The following PPP1R12A variants were observed in gnomAD, a reference collection of about 807,000 sequenced individuals.
PPP1R12A encodes the protein myosin binding subunit.
Under a neutral mutation model 139.6 loss-of-function variants are expected in PPP1R12A, and 19 were observed. The ratio of observed to expected loss-of-function variants is 0.14; its 90% confidence interval spans 0.09 to 0.20. PPP1R12A has a LOEUF of 0.20. PPP1R12A is among the 10% of genes least tolerant of loss of function. PPP1R12A has a pLI of 1.00. For synonymous variants in PPP1R12A, 427 were observed against 420.6 expected (o/e 1.02, Z -0.19); for missense variants, 925 against 1,211.5 (o/e 0.76, Z 3.51).
At chr12:79,836,345 A>T (rs545382501) in intron 3 of PPP1R12A, among the ~76,000 whole-genome samples, 4 of 152,222 alleles carry the variant, frequency 2.6e-5, no homozygotes, top group African/African-American at 4.8e-5. Flanking sequence ...GTCTTTTAAA[A>T]CAGGTAGCTT....
rs187694241 is a variant in PPP1R12A, at chr12:79,813,852, G to A, written c.1239+3542C>T. On this transcript the variant is annotated intron_variant, in intron 9 of 24. Transcript: ENST00000450142. ...GAAAATAAGCATGTAAAACTGTTTC[G>A]TGTGCTTCCATTTTTGTGATCTGTC... Among the ~76,000 whole-genome samples the A allele has an allele frequency of 3.1e-4, 47 of 152,198 alleles. No individual in the cohort carries two copies. The Middle Eastern group carries it at 0.01, about 33-fold the overall frequency.
intron 1 of PPP1R12A, among the ~76,000 whole-genome samples, chr12:79,889,840 T>C (rs1439554776): frequency 1.3e-5 from 2 of 152,186 alleles, no homozygotes; most frequent in East Asian, 3.9e-4. Flanking sequence ...GCAGATTCCA[T>C]GTCCAGTGAA....
At chr12:79,781,896 G>C in intron 22 of PPP1R12A, 34 bp from the exon 23 acceptor site, 1 of 1,371,254 alleles carries the variant, frequency 7.3e-7, no homozygotes, top group Non-Finnish European at 1.0e-6. Context: ...AAAGAGATAA[G>C]TGCAAAAAAG....
chr12:79,782,576 G>T (rs898048592), intron 22 of PPP1R12A: 1 of 455,254 alleles, frequency 2.2e-6, no homozygotes, highest in Non-Finnish European at 4.4e-6. Flanking sequence ...CCTACCTGTT[G>T]TATCCTGTAC....
At position 79,895,593 on chromosome 12, in the gene PPP1R12A, A is replaced by C. The variant is rs1194613239; in HGVS notation, c.238-22655T>G. On this transcript the variant is annotated intron_variant, in intron 1 of 24. Transcript: ENST00000450142. ...CAAATGGAACACTATTTTCTGATACAGCTATTTCATCTTAAGAGAACAGAC... is the reference window on the plus strand; with the variant it reads ...CAAATGGAACACTATTTTCTGATACCGCTATTTCATCTTAAGAGAACAGAC... Among the ~76,000 whole-genome samples the C allele has an allele frequency of 1.3e-5, 2 of 152,214 alleles. 1 individual carries two copies. The highest frequency in any genetic ancestry group is 2.9e-5 in the Non-Finnish European group (2 of 68,028).
intron 19 of PPP1R12A, among the ~76,000 whole-genome samples, chr12:79,792,200 C>T (rs1384974014): frequency 1.3e-5 from 2 of 152,106 alleles, no homozygotes; most frequent in Non-Finnish European, 2.9e-5. Flanking sequence ...ATACATTGCA[C>T]CTTATTTATT....
intron 3 of PPP1R12A, among the ~76,000 whole-genome samples, chr12:79,842,469 A>G (rs975692323): frequency 2.6e-5 from 4 of 152,116 alleles, no homozygotes; most frequent in Admixed American, 1.3e-4. Flanking sequence ...CTCTACATCA[A>G]TATTTCATAC....
chr12:79,849,626 C>CA (rs796724885), intron 2 of PPP1R12A, among the ~76,000 whole-genome samples: 6 of 152,004 alleles, frequency 3.9e-5, no homozygotes, highest in South Asian at 2.1e-4. Flanking sequence ...AACAAACAAA[C>CA]AAAAAAACAG....
At chr12:79,877,968 G>A (rs954496272) in intron 1 of PPP1R12A, among the ~76,000 whole-genome samples, 13 of 151,206 alleles carry the variant, frequency 8.6e-5, no homozygotes, top group South Asian at 2.1e-4. Context: ...CTTTTAAACC[G>A]AAAAATATCA....
At chr12:79,918,409 T>G (rs1307246680) in intron 1 of PPP1R12A, among the ~76,000 whole-genome samples, 1 of 152,186 alleles carries the variant, frequency 6.6e-6, no homozygotes, top group African/African-American at 2.4e-5. Context: ...GATTTTCATT[T>G]CTTGTTTACT....
intron 2 of PPP1R12A, among the ~76,000 whole-genome samples, chr12:79,857,004 A>C (rs1490928355): frequency 6.6e-6 from 1 of 152,276 alleles, no homozygotes; most frequent in Non-Finnish European, 1.5e-5. Context: ...TTTGTGAATG[A>C]CATGACTTTC....
intron 1 of PPP1R12A, among the ~76,000 whole-genome samples, chr12:79,882,097 T>G (rs567112322): frequency 6.6e-6 from 1 of 152,358 alleles, no homozygotes; most frequent in South Asian, 2.1e-4. Context: ...GGATTAATGT[T>G]GTTTTCATGC....
intron 2 of PPP1R12A, among the ~76,000 whole-genome samples, chr12:79,867,909 G>GT (rs1244972393): frequency 2.6e-5 from 4 of 152,072 alleles, no homozygotes; most frequent in Admixed American, 1.3e-4. Flanking sequence ...CACCATGATT[G>GT]TAAGTTTCCT....
chr12:79,848,950 T>C (rs1879727631), intron 2 of PPP1R12A: 1 of 151,986 alleles, frequency 6.6e-6, no homozygotes. Context: ...CATTCAAAGA[T>C]ATAGTTGAGT....
chr12:79,862,868 A>G (rs1881501106), intron 2 of PPP1R12A, among the ~76,000 whole-genome samples: 1 of 152,204 alleles, frequency 6.6e-6, no homozygotes, highest in African/African-American at 2.4e-5. Flanking sequence ...TGACGGGGAG[A>G]ATGGAACCAA....
intron 1 of PPP1R12A, among the ~76,000 whole-genome samples, chr12:79,918,050 ATAAAAG>A (rs1429790915): frequency 1.3e-5 from 2 of 152,148 alleles, no homozygotes; most frequent in Admixed American, 1.3e-4. Context: ...ACATAATATC[ATAAAAG>A]TAAATTTGGC....
At chr12:79,829,347 G>A (rs927787374) in intron 4 of PPP1R12A, among the ~76,000 whole-genome samples, 12 of 152,044 alleles carry the variant, frequency 7.9e-5, no homozygotes, top group Non-Finnish European at 1.2e-4. Flanking sequence ...TTTACCTACA[G>A]GAGGTGGTAG....
intron 1 of PPP1R12A, among the ~76,000 whole-genome samples, chr12:79,931,029 A>G (rs1209009776): frequency 6.6e-6 from 1 of 152,226 alleles, no homozygotes. Context: ...GACCTGTTTT[A>G]GGTTGAATTT....
intron 3 of PPP1R12A, 51 bp from the exon 4 acceptor site, chr12:79,832,542 G>C: frequency 6.6e-7 from 1 of 1,509,372 alleles, no homozygotes; most frequent in Middle Eastern, 1.8e-4. Context: ...ATTGTTCCAT[G>C]TTGGGAAATA....
Sources: allele counts gnomAD v4.1 joint callset (sites outside exome capture counted in the v4.1 genomes callset), GRCh38; gene constraint gnomAD v4.1.1; transcripts MANE v1.5; gene names NCBI Gene and HGNC (gene_info 2026-07-23, HGNC 2026-07-21).